GFPT1: variants seen among roughly 807,000 people sequenced by gnomAD.
The protein encoded by GFPT1 is glutamine--fructose-6-phosphate aminotransferase [isomerizing] 1.
A neutral mutation model predicts 92.0 loss-of-function variants in GFPT1; 40 were observed. The observed-to-expected ratio is 0.43, with a 90% CI of 0.34 to 0.57. The LOEUF is 0.57. Among genes scored for constraint, GFPT1 ranks in the 20% least tolerant of loss-of-function variants. The pLI, the probability that GFPT1 is intolerant of heterozygous loss-of-function variation, is 0.02. For synonymous variants in GFPT1, 269 were observed against 280.6 expected, an observed-to-expected ratio of 0.96 and a Z score of 0.41; for missense variants, 448 against 869.1, an observed-to-expected ratio of 0.52 and a Z score of 6.09.
chr2:69,360,328 C>CAA (rs576395697), intron 4 of GFPT1, among the ~76,000 whole-genome samples: 1,155 of 77,256 alleles, frequency 0.015, 27 homozygotes, highest in African/African-American at 0.051. Flanking sequence ...GATTCTGTCT[C>CAA]AAAAAAAAAA....
rs1670458870 is a variant in GFPT1 at position 69,323,398 on chromosome 2, T to C, written c.*2791A>G. The C allele has an allele frequency of 6.6e-6, 1 of 152,250 alleles. No individual in the cohort carries two copies. The highest frequency in any genetic ancestry group is 1.5e-5 in the Non-Finnish European group (1 of 68,046). 9.4% of individuals were successfully genotyped at this position (152,250 alleles called of 1,614,324 possible). A position where few individuals can be genotyped will look rare whatever the true frequency, so the allele number is the denominator to read the frequency against. ...TGCTCACTTTAGTGGTGTGCCTCAT[T>C]ACAATGTCTCTTTTGTGTTAAGAAT... is the stretch of plus-strand genomic sequence containing the variant. On this transcript the variant is annotated 3_prime_UTR_variant, in exon 20 of 20. Coordinates refer to ENST00000357308, the MANE Select transcript of GFPT1 (RefSeq NM_001244710.2).
chr2:69,366,447 G>A (rs1671613476), intron 3 of GFPT1, among the ~76,000 whole-genome samples: 1 of 152,000 alleles, frequency 6.6e-6, no homozygotes, highest in Admixed American at 6.6e-5. Flanking sequence ...CCCCACACTC[G>A]GTTTCTCTTC....
At position 69,352,580 on chromosome 2, in the gene GFPT1, T is replaced by C. The variant is rs539703171; in HGVS notation, c.739+1679A>G. 2.7e-5 allele frequency among the ~76,000 whole-genome samples: 3 copies of C among 110,032 alleles called. No individual in the cohort carries two copies. In the East Asian group the frequency reaches 9.2e-4, roughly 34 times the overall value. 72.2% of individuals were successfully genotyped at this position (110,032 alleles called of 152,430 possible). A position where few individuals can be genotyped will look rare whatever the true frequency, so the allele number is the denominator to read the frequency against. ...GTGAGCCGAGATCACGCCACTGCACTACAGCCTGAGCAACAGAGCGAGACT... is the reference window on the plus strand; with the variant it reads ...GTGAGCCGAGATCACGCCACTGCACCACAGCCTGAGCAACAGAGCGAGACT... On this transcript the variant is annotated intron_variant, in intron 9 of 19. Transcript: ENST00000357308.
Position 69,356,765 on chromosome 2 carries a change from G to A in GFPT1, c.544-208C>T, listed in dbSNP as rs544217562. The stretch of plus-strand genomic sequence containing the variant: ...CATTTTTTTTTTTTTTTGAGATGGA[G>A]TCTCACTCTGTGACCAGGCTGGGGT... On this transcript the variant is annotated intron_variant, in intron 6 of 19. Coordinates refer to ENST00000357308, the MANE Select transcript of GFPT1 (RefSeq NM_001244710.2). Among the ~76,000 whole-genome samples, 168 of 147,744 alleles carry A rather than the reference G, an allele frequency of 1.1e-3. 1 individual carries two copies. Among genetic ancestry groups the A allele is most frequent in the Admixed American group, 2.1e-3 (32 of 14,924 alleles).
chr2:69,362,421 T>C (rs973388232), intron 4 of GFPT1, among the ~76,000 whole-genome samples: 3 of 152,190 alleles, frequency 2.0e-5, no homozygotes, highest in Non-Finnish European at 2.9e-5. Flanking sequence ...GTGTGTCTTA[T>C]TTTAAAGATG....
intron 17 of GFPT1, among the ~76,000 whole-genome samples, chr2:69,328,661 T>C (rs911787896): frequency 5.3e-5 from 8 of 152,022 alleles, no homozygotes; most frequent in African/African-American, 9.7e-5. Flanking sequence ...TTTTTAAAGA[T>C]TTTAGATTAT....
At chr2:69,331,307 T>C (rs937700501) in intron 15 of GFPT1, among the ~76,000 whole-genome samples, 2 of 152,210 alleles carry the variant, frequency 1.3e-5, no homozygotes, top group Non-Finnish European at 1.5e-5. Flanking sequence ...ACTTTGTTGT[T>C]CCTCACCTGT....
intron 15 of GFPT1, 103 bp downstream of exon 15, chr2:69,337,795 C>A: frequency 1.1e-6 from 1 of 934,022 alleles, no homozygotes; most frequent in African/African-American, 1.6e-5. Context: ...TGTGTGAGTT[C>A]TATAACTGCT....
At chr2:69,340,863 C>T (rs528561527) in intron 13 of GFPT1, among the ~76,000 whole-genome samples, 45 of 152,200 alleles carry the variant, frequency 3.0e-4, no homozygotes, top group Middle Eastern at 3.4e-3. Context: ...TTAGATGAAG[C>T]GTTTAATCAA....
At position 69,320,867 on chromosome 2, in the gene GFPT1, G is replaced by A. The variant is rs1034532925; in HGVS notation, c.*5322C>T. On this transcript the variant is annotated 3_prime_UTR_variant, in exon 20 of 20. Transcript: ENST00000357308. ...TTAGGCTCTGGTGCAGAAGAAGAGA[G>A]AGGGAGAGGTGGAGGAGGGAGAGAG... The A allele has an allele frequency of 6.6e-5, 10 of 152,314 alleles. No homozygotes were observed. Among genetic ancestry groups the A allele is most frequent in the African/African-American group, 1.9e-4 (8 of 41,542 alleles). The allele number at this position is 152,314 out of a possible 1,614,324, so 9.4% of individuals were successfully genotyped here.
At chr2:69,356,422 G>A in intron 7 of GFPT1, 74 bp downstream of exon 7, 1 of 1,006,472 alleles carries the variant, frequency 9.9e-7, no homozygotes, top group Non-Finnish European at 1.6e-6. Flanking sequence ...AAAGGGTCAT[G>A]TATAGTCTAC....
chr2:69,356,096 G>T (rs758388989), intron 7 of GFPT1, among the ~76,000 whole-genome samples: 4 of 145,030 alleles, frequency 2.8e-5, no homozygotes, highest in Non-Finnish European at 4.5e-5. Flanking sequence ...GGGTTCAAGC[G>T]GTTCTCCTTG....
At chr2:69,366,910 C>CA (rs1401355711) in intron 3 of GFPT1, among the ~76,000 whole-genome samples, 3 of 151,686 alleles carry the variant, frequency 2.0e-5, no homozygotes, top group Non-Finnish European at 4.4e-5. Context: ...CTTCCCTTTT[C>CA]AAAAAAAATA....
chr2:69,335,801 G>A (rs7424361), intron 15 of GFPT1, among the ~76,000 whole-genome samples: 99,110 of 151,896 alleles, frequency 0.65, 33,596 homozygotes, highest in African/African-American at 0.85. Context: ...CAGGCAGATC[G>A]TTTGAGCCCA....
intron 15 of GFPT1, among the ~76,000 whole-genome samples, chr2:69,335,001 T>C (rs1300215994): frequency 6.6e-6 from 1 of 152,094 alleles, no homozygotes; most frequent in African/African-American, 2.4e-5. Context: ...CCAATGCTAA[T>C]GTAAAATTTT....
chr2:69,354,678 G>A (rs911984356), intron 7 of GFPT1, 110 bp from the exon 8 acceptor site: 3 of 741,644 alleles, frequency 4.0e-6, no homozygotes, highest in Admixed American at 1.9e-5. Context: ...TCCTCCCCAA[G>A]CTCAACTTCA....
rs893392245 is a variant in GFPT1, at chr2:69,374,265, T to A, written c.8-152A>T. On this transcript the variant is annotated intron_variant, in intron 1 of 19. Coordinates refer to ENST00000357308, the MANE Select transcript of GFPT1 (RefSeq NM_001244710.2). ...GCAATGGAACTTTTTCAAGGGGGAG[T>A]TTCTCATAAGTATAAAAAACTAAAC... 6 of 522,824 alleles carry A rather than the reference T, an allele frequency of 1.1e-5. No homozygotes were observed. In the African/African-American group the frequency reaches 1.2e-4, roughly 10 times the overall value. The allele number at this position is 522,824 out of a possible 1,614,324, so 32.4% of individuals were successfully genotyped here.
chr2:69,340,865 T>C (rs1377575328), intron 13 of GFPT1, among the ~76,000 whole-genome samples: 1 of 152,160 alleles, frequency 6.6e-6, no homozygotes, highest in African/African-American at 2.4e-5. Context: ...AGATGAAGCG[T>C]TTAATCAAAT....
rs535045730 is a variant in GFPT1, at chr2:69,335,996, T to C, written c.1482+1902A>G. 1.5e-3 allele frequency among the ~76,000 whole-genome samples: 229 copies of C among 148,372 alleles called. 2 individuals are homozygous for C. Among genetic ancestry groups the C allele is most frequent in the Non-Finnish European group, 2.5e-3 (169 of 67,396 alleles). ...AAGCCATGAGCACCACTGCACTCTA[T>C]GTACTCTGGATGATAAAGAGGAGAG... On this transcript the variant is annotated intron_variant, in intron 15 of 19. Transcript: ENST00000357308.
Sources: gnomAD v4.1 joint callset for allele counts (sites outside exome capture counted in the v4.1 genomes callset) on GRCh38, gnomAD v4.1.1 for gene constraint, MANE v1.5 for transcripts, NCBI Gene and HGNC (gene_info 2026-07-23, HGNC 2026-07-21) for gene names.